Variants in GABRG3 observed in about 807,000 individuals in gnomAD.
GABRG3 encodes the protein gamma-aminobutyric acid type A receptor subunit gamma3, also known as gamma-aminobutyric acid receptor subunit gamma-3.
A neutral mutation model predicts 48.8 loss-of-function variants in GABRG3; 25 were observed. That is an observed-to-expected ratio of 0.51 (90% CI 0.37 to 0.72). The LOEUF is 0.72. Among genes scored for constraint, GABRG3 ranks in the 30% least tolerant of loss-of-function variants. The pLI, the probability that GABRG3 is intolerant of heterozygous loss-of-function variation, is 0.00. For synonymous variants in GABRG3, 227 were observed against 217.6 expected (o/e 1.04, Z -0.38); for missense variants, 394 against 577.9 (o/e 0.68, Z 3.26).
intron 2 of GABRG3, among the ~76,000 whole-genome samples, chr15:26,984,219 G>A (rs1157519481): frequency 1.3e-5 from 2 of 152,040 alleles, no homozygotes; most frequent in East Asian, 3.9e-4. Flanking sequence ...CTGAGGACTG[G>A]TCTTTTTTTT....
intron 5 of GABRG3, among the ~76,000 whole-genome samples, chr15:27,436,446 GA>G (rs1888613720): frequency 6.6e-6 from 1 of 152,172 alleles, no homozygotes; most frequent in Non-Finnish European, 1.5e-5. Flanking sequence ...CAGAGGAGAT[GA>G]ATAAAAAGTA....
chr15:27,107,687 A>G (rs181009332), intron 3 of GABRG3, among the ~76,000 whole-genome samples: 2 of 151,980 alleles, frequency 1.3e-5, no homozygotes, highest in African/African-American at 2.4e-5. Flanking sequence ...TTTTTTCTCT[A>G]TGGATGGCAT....
chr15:27,474,468 G>A (rs1317649282), intron 5 of GABRG3, among the ~76,000 whole-genome samples: 2 of 152,082 alleles, frequency 1.3e-5, no homozygotes, highest in East Asian at 3.9e-4. Flanking sequence ...CTTTTCTAAT[G>A]ATTCAAAATT....
At chr15:27,114,519 T>C (rs1454101285) in intron 3 of GABRG3, among the ~76,000 whole-genome samples, 1 of 152,218 alleles carries the variant, frequency 6.6e-6, no homozygotes, top group Non-Finnish European at 1.5e-5. Context: ...AGTCCCAGTA[T>C]AACCATACCA....
rs1888990687 is a variant in GABRG3, at chr15:27,447,931, C to A, written c.575-32719C>A. 6.6e-6 allele frequency among the ~76,000 whole-genome samples: 1 copy of A among 152,078 alleles called. No individual in the cohort carries two copies. Among genetic ancestry groups the A allele is most frequent in the Non-Finnish European group, 1.5e-5 (1 of 68,016 alleles). ...CAGGTTGATGGGTGCAGCAAACCAC[C>A]ATGGCACGTGTATACCTATGTAGCA... On this transcript the variant is annotated intron_variant, in intron 5 of 9. Transcript: ENST00000615808. This position sits in a 1 kb window ranked among gnomAD's most constrained non-coding sequence, Gnocchi z 4.0.
chr15:27,469,390 G>A (rs1001094202), intron 5 of GABRG3, among the ~76,000 whole-genome samples: 1 of 151,992 alleles, frequency 6.6e-6, no homozygotes, highest in African/African-American at 2.4e-5. Context: ...GCACAGGCTA[G>A]AGTGCAGTGG....
Position 26,971,240 on chromosome 15 carries a change from G to GGGCGGCGCCGCGCCAGGGGGTC in GABRG3, c.-295_-274dup, listed in dbSNP as rs1894831722. ...GCCCGCTCGCGGCTCCAGGCGGGGTGGGCGGCGCCGCGCCAGGGGGTCCCC... is the reference window on the plus strand; with the variant it reads ...GCCCGCTCGCGGCTCCAGGCGGGGTGGGCGGCGCCGCGCCAGGGGGTCGGCGGCGCCGCGCCAGGGGGTCCCC... On this transcript the variant is annotated 5_prime_UTR_variant, in exon 1 of 10. Coordinates refer to ENST00000615808, the MANE Select transcript of GABRG3 (RefSeq NM_033223.5). The GGGCGGCGCCGCGCCAGGGGGTC allele has an allele frequency of 6.6e-6, 1 of 151,318 alleles. No individual in the cohort carries two copies. Among genetic ancestry groups the GGGCGGCGCCGCGCCAGGGGGTC allele is most frequent in the South Asian group, 2.1e-4 (1 of 4,844 alleles). 9.4% of individuals were successfully genotyped at this position (151,318 alleles called of 1,614,324 possible). A position where few individuals can be genotyped will look rare whatever the true frequency, so the allele number is the denominator to read the frequency against.
chr15:27,420,874 A>G (rs1193587252), intron 5 of GABRG3: 7 of 152,232 alleles, frequency 4.6e-5, no homozygotes, highest in African/African-American at 1.7e-4. Flanking sequence ...CAAAAGAAGA[A>G]ACAGTTCTGT....
chr15:27,092,711 A>T (rs964499875), intron 3 of GABRG3, among the ~76,000 whole-genome samples: 2 of 152,218 alleles, frequency 1.3e-5, no homozygotes, highest in African/African-American at 4.8e-5. Flanking sequence ...TTTGTGTGCA[A>T]GTTGAATTAC....
intron 3 of GABRG3, among the ~76,000 whole-genome samples, chr15:27,058,566 TG>T (rs1896592021): frequency 6.6e-6 from 1 of 152,154 alleles, no homozygotes; most frequent in African/African-American, 2.4e-5. Flanking sequence ...AATTCCCAAC[TG>T]TCCGGCTACA....
intron 5 of GABRG3, among the ~76,000 whole-genome samples, chr15:27,329,687 T>C (rs562073735): frequency 6.6e-6 from 1 of 152,264 alleles, no homozygotes; most frequent in East Asian, 1.9e-4. Context: ...TTTCGTAGTA[T>C]TTTATCTTCC....
chr15:27,196,075 T>A (rs1290821946), intron 3 of GABRG3, among the ~76,000 whole-genome samples: 1 of 152,222 alleles, frequency 6.6e-6, no homozygotes, highest in Non-Finnish European at 1.5e-5. Flanking sequence ...TGGCAGTGAA[T>A]GCTCAGCATC....
intron 2 of GABRG3, among the ~76,000 whole-genome samples, chr15:26,989,659 A>G (rs1355761287): frequency 6.6e-6 from 1 of 152,166 alleles, no homozygotes; most frequent in Non-Finnish European, 1.5e-5. Flanking sequence ...ATTATTTTAA[A>G]ATGTACAATT....
chr15:27,130,166 C>G (rs972317808), intron 3 of GABRG3, among the ~76,000 whole-genome samples: 3 of 152,038 alleles, frequency 2.0e-5, no homozygotes, highest in Non-Finnish European at 4.4e-5. Flanking sequence ...TGGTTTTCAT[C>G]TAACAGTTAA....
At chr15:27,514,705 TG>T (rs1890977622) in intron 6 of GABRG3, among the ~76,000 whole-genome samples, 2 of 152,206 alleles carry the variant, frequency 1.3e-5, no homozygotes, top group Non-Finnish European at 2.9e-5. Context: ...TATGACTAAC[TG>T]GGGTCACTTT....
chr15:27,285,391 G>C (rs191666534), intron 3 of GABRG3, among the ~76,000 whole-genome samples: 15 of 152,064 alleles, frequency 9.9e-5, no homozygotes, highest in African/African-American at 3.4e-4. Flanking sequence ...AGGACCGAGA[G>C]AGAGGAAAAG....
chr15:27,007,169 C>T (rs1249587814), intron 2 of GABRG3, among the ~76,000 whole-genome samples: 2 of 151,542 alleles, frequency 1.3e-5, no homozygotes, highest in African/African-American at 4.9e-5. Context: ...AGCCTCTGCT[C>T]TCCAGGCTCA....
chr15:27,360,190 A>G (rs1894975314), intron 5 of GABRG3, among the ~76,000 whole-genome samples: 1 of 152,162 alleles, frequency 6.6e-6, no homozygotes, highest in Non-Finnish European at 1.5e-5. Flanking sequence ...TCCAAGGGCT[A>G]TGGCTGGGGA....
chr15:27,140,956 G>A (rs1015876498), intron 3 of GABRG3, among the ~76,000 whole-genome samples: 8 of 152,030 alleles, frequency 5.3e-5, no homozygotes, highest in East Asian at 1.9e-4. Context: ...GTTAGCTGTC[G>A]TCCTTCATAT....
Sources: gnomAD v4.1 joint callset for allele counts (sites outside exome capture counted in the v4.1 genomes callset) on GRCh38, gnomAD v4.1.1 for gene constraint, Gnocchi (gnomAD v3.1) non-coding constraint, MANE v1.5 for transcripts, NCBI Gene and HGNC (gene_info 2026-07-23, HGNC 2026-07-21) for gene names.